The following SYN1 variants were observed in gnomAD, a reference collection of about 807,000 sequenced individuals.
The protein encoded by SYN1 is synapsin I.
SYN1 carries 8 observed loss-of-function variants against 44.6 expected under a neutral mutation model. The observed-to-expected ratio is 0.18, with a 90% CI of 0.11 to 0.32. The LOEUF (loss-of-function observed/expected upper bound fraction) is 0.32. Ranked by LOEUF, SYN1 falls within the 10% of genes least tolerant of loss-of-function variation. The pLI, the probability that SYN1 is intolerant of heterozygous loss-of-function variation, is 1.00. For synonymous variants in SYN1, 275 were observed against 280.1 expected (o/e 0.98, Z 0.18); for missense variants, 451 against 639.4 (o/e 0.71, Z 3.18).
intron 6 of SYN1, among the ~76,000 whole-genome samples, chrX:47,577,177 G>A (rs1299870313): frequency 9.0e-6 from 1 of 110,990 alleles, no homozygotes; most frequent in African/African-American, 3.3e-5. Flanking sequence ...CTGGAGACAA[G>A]CAAAATAACA....
In SYN1 at chrX:47,605,080, G is replaced by A; in HGVS notation, c.685-13C>T. Reference sequence around the variant, plus strand: ...CCATCTGGGCAAACTATGAGAACCAGGAGAGCTGGGTCAGTGAGTCCTTCA... The same window carrying A: ...CCATCTGGGCAAACTATGAGAACCAAGAGAGCTGGGTCAGTGAGTCCTTCA... On this transcript the variant is annotated splice_polypyrimidine_tract_variant and intron_variant, in intron 4 of 12. Transcript: ENST00000295987. The A allele has an allele frequency of 8.3e-7, 1 of 1,207,093 alleles. No homozygotes were observed. Among genetic ancestry groups the A allele is most frequent in the Non-Finnish European group, 1.1e-6 (1 of 891,400 alleles).
At chrX:47,582,628 C>A (rs1374963340) in intron 5 of SYN1, 1 of 348,730 alleles carries the variant, frequency 2.9e-6, no homozygotes, top group South Asian at 2.6e-5. Flanking sequence ...GGAAGAGGGT[C>A]GGAGGCTGGA....
At chrX:47,593,426 G>A (rs751134503) in intron 5 of SYN1, among the ~76,000 whole-genome samples, 65 of 107,706 alleles carry the variant, frequency 6.0e-4, no homozygotes, top group Non-Finnish European at 1.1e-3. Context: ...ACACCACCAC[G>A]CCCAGCTAAT....
In SYN1 at chrX:47,575,164, C is replaced by T; in HGVS notation, c.1269G>A (p.Gln423=). The T allele has an allele frequency of 8.4e-7, 1 of 1,192,925 alleles. No homozygotes were observed. Among genetic ancestry groups the T allele is most frequent in the Non-Finnish European group, 1.1e-6 (1 of 885,883 alleles). Residue 423 remains glutamine, a synonymous_variant, in exon 10 of 13, where the codon CAG becomes CAA. Transcript: ENST00000295987. The part of the protein sequence containing the change: ...KMAQALPRQR[Q]RDASPGRGSH... ...AGCCCCTGCCAGGGGAGGCATCCCGCTGTCGCTGCCGGGGCAGGGCCTGAG... is the reference window on the plus strand; with the variant it reads ...AGCCCCTGCCAGGGGAGGCATCCCGTTGTCGCTGCCGGGGCAGGGCCTGAG...
At chrX:47,603,502 A>C (rs1447216433) in intron 5 of SYN1, among the ~76,000 whole-genome samples, 2 of 112,180 alleles carry the variant, frequency 1.8e-5, no homozygotes, top group Non-Finnish European at 3.8e-5. Flanking sequence ...AGTACTAATC[A>C]TTTATAGTAA....
At chrX:47,579,042 C>T (rs1193056149) in intron 5 of SYN1, among the ~76,000 whole-genome samples, 1 of 111,828 alleles carries the variant, frequency 8.9e-6, no homozygotes, top group African/African-American at 3.3e-5. Context: ...CACAGAAGTG[C>T]ATAATGCACT....
chrX:47,601,887 C>T (rs146124873), intron 5 of SYN1, among the ~76,000 whole-genome samples: 1 of 112,173 alleles, frequency 8.9e-6, no homozygotes, highest in African/African-American at 3.2e-5. Flanking sequence ...AACTTATGAA[C>T]GTATCAACTT....
intron 1 of SYN1, among the ~76,000 whole-genome samples, chrX:47,616,919 A>T (rs1300752166): frequency 9.0e-6 from 1 of 110,650 alleles, no homozygotes; most frequent in African/African-American, 3.3e-5. Flanking sequence ...CAAAAAGGGG[A>T]GAAGAGGCAT....
chrX:47,609,397 G>A (rs1420259082), intron 1 of SYN1, among the ~76,000 whole-genome samples: 1 of 111,918 alleles, frequency 8.9e-6, no homozygotes, highest in Non-Finnish European at 1.9e-5. Flanking sequence ...GACTCTGAAG[G>A]ACCCTCCCAG....
chrX:47,587,978 C>T (rs770966091), intron 5 of SYN1, among the ~76,000 whole-genome samples: 64 of 111,676 alleles, frequency 5.7e-4, no homozygotes, highest in Non-Finnish European at 1.1e-3. Context: ...GAACCCAGGT[C>T]TCCTCCAGGG....
chrX:47,610,007 G>A (rs1001841279), intron 1 of SYN1, among the ~76,000 whole-genome samples: 1 of 111,477 alleles, frequency 9.0e-6, no homozygotes, highest in African/African-American at 3.3e-5. Context: ...AACCAGACTT[G>A]GGTGACTATT....
In SYN1 at chrX:47,600,603, TG is replaced by T. The variant is rs35891328; in HGVS notation, c.774+4374del. On this transcript the variant is annotated intron_variant, in intron 5 of 12. Coordinates refer to ENST00000295987, the MANE Select transcript of SYN1 (RefSeq NM_006950.3). ...AATACACATTCTTCTTCAGTGCACA[TG>T]GAACATTCTTCAGGACAGACTATAT... Among the ~76,000 whole-genome samples, 11 of 112,100 alleles carry T rather than the reference TG, an allele frequency of 9.8e-5. No homozygotes were observed. In the East Asian group the frequency reaches 1.9e-3, roughly 20 times the overall value.
intron 9 of SYN1, among the ~76,000 whole-genome samples, chrX:47,575,569 C>G (rs1451568278): frequency 8.9e-6 from 1 of 112,341 alleles, no homozygotes; most frequent in Non-Finnish European, 1.9e-5. Context: ...TGAAAAAAAT[C>G]GAAAGATTTT....
rs2057765230 is a variant in SYN1 at position 47,573,102 on chromosome X, C to T, written c.1983-103G>A. The T allele has an allele frequency of 3.8e-6, 4 of 1,056,475 alleles. No individual in the cohort carries two copies. In the South Asian group the frequency reaches 7.8e-5, roughly 21 times the overall value. The allele number at this position is 1,056,475 out of a possible 1,213,427, so 87.1% of individuals were successfully genotyped here. A position where few individuals can be genotyped will look rare whatever the true frequency, so the allele number is the denominator to read the frequency against. ...CCCAGGCCCAGCCCCAGCCCTGCCC[C>T]TCTGATCCTGGGGCTGTGCCTGTGA... is the stretch of plus-strand genomic sequence containing the variant. On this transcript the variant is annotated intron_variant, in intron 12 of 12. Transcript: ENST00000295987.
intron 9 of SYN1, among the ~76,000 whole-genome samples, 190 bp from the exon 10 acceptor site, chrX:47,575,464 G>A (rs1183555981): frequency 8.9e-6 from 1 of 112,474 alleles, no homozygotes; most frequent in East Asian, 2.8e-4. Context: ...TTCAGAGCAG[G>A]GCTCAGCAAA....
At chrX:47,585,984 A>G in intron 5 of SYN1, 1 of 1,036,170 alleles carries the variant, frequency 9.7e-7, no homozygotes. Flanking sequence ...GGTTCCCCAG[A>G]ATGTTCTCCA....
At chrX:47,589,165 G>A (rs770557209) in intron 5 of SYN1, among the ~76,000 whole-genome samples, 5 of 108,237 alleles carry the variant, frequency 4.6e-5, no homozygotes, top group Admixed American at 1.0e-4. Flanking sequence ...CTGTGGTGGC[G>A]CATGCCCTGT....
At chrX:47,604,721 A>G (rs1268101170) in intron 5 of SYN1, 1 of 387,388 alleles carries the variant, frequency 2.6e-6, no homozygotes, top group Non-Finnish European at 4.5e-6. Flanking sequence ...TCACATTAGA[A>G]ATAGGTTTTT....
At chrX:47,619,088 A>G (rs768032295) in intron 1 of SYN1, among the ~76,000 whole-genome samples, 8 of 110,835 alleles carry the variant, frequency 7.2e-5, no homozygotes, top group Non-Finnish European at 1.5e-4. Context: ...ATTGAAGCCA[A>G]AGACTTTTGG....
Sources: gnomAD v4.1 joint callset for allele counts (sites outside exome capture counted in the v4.1 genomes callset) on GRCh38, gnomAD v4.1.1 for gene constraint, MANE v1.5 for transcripts, NCBI Gene and HGNC (gene_info 2026-07-23, HGNC 2026-07-21) for gene names.